Variants in CFTR observed in about 807,000 individuals in gnomAD.
CFTR encodes the protein cystic fibrosis transmembrane conductance regulator.
A neutral mutation model predicts 171.6 loss-of-function variants in CFTR; 181 were observed. That is an observed-to-expected ratio of 1.05 (90% confidence interval 0.93 to 1.19). The LOEUF (loss-of-function observed/expected upper bound fraction) is 1.19. Ranked by LOEUF, CFTR falls within the 50% of genes most tolerant of loss-of-function variation. The probability of loss-of-function intolerance (pLI) is 0.00; values close to 1 mark genes in which losing one functional copy is unlikely to be tolerated. For missense variants in CFTR, 1,968 were observed against 1,734.7 expected, an observed-to-expected ratio of 1.13 and a Z score of -2.39; for synonymous variants, 583 against 608.0, an observed-to-expected ratio of 0.96 and a Z score of 0.60.
intron 3 of CFTR, among the ~76,000 whole-genome samples, chr7:117,528,034 C>A (rs1562888407): frequency 7.5e-6 from 1 of 132,486 alleles, no homozygotes; most frequent in Non-Finnish European, 1.6e-5. Flanking sequence ...CATATGGAAC[C>A]AAAAAAGAGC....
At chr7:117,562,789 C>G (rs1418676473) in intron 11 of CFTR, among the ~76,000 whole-genome samples, 1 of 152,136 alleles carries the variant, frequency 6.6e-6, no homozygotes, top group African/African-American at 2.4e-5. Flanking sequence ...CCTGGCTAGA[C>G]AGTTCAGGAT....
At chr7:117,607,104 C>G (rs542260039) in intron 18 of CFTR, among the ~76,000 whole-genome samples, 9 of 152,036 alleles carry the variant, frequency 5.9e-5, no homozygotes, top group African/African-American at 1.4e-4. Flanking sequence ...CAACCTCCCC[C>G]CAAAAGGCCT....
At chr7:117,608,891 T>A (rs1792340963) in intron 18 of CFTR, among the ~76,000 whole-genome samples, 1 of 152,206 alleles carries the variant, frequency 6.6e-6, no homozygotes. Context: ...TATTTTTCTC[T>A]TTTTAAAATT....
intron 21 of CFTR, among the ~76,000 whole-genome samples, chr7:117,622,591 T>C (rs561975867): frequency 4.6e-5 from 7 of 152,314 alleles, no homozygotes; most frequent in African/African-American, 1.4e-4. Flanking sequence ...GAAGTCTCTT[T>C]ATAGTGTTGC....
intron 22 of CFTR, among the ~76,000 whole-genome samples, chr7:117,640,309 C>T (rs1374174933): frequency 3.3e-5 from 5 of 152,110 alleles, no homozygotes; most frequent in Non-Finnish European, 7.4e-5. Flanking sequence ...AGATATCATG[C>T]ATTACCAGCA....
chr7:117,567,942 A>T (rs572066603), intron 11 of CFTR, among the ~76,000 whole-genome samples: 1 of 152,202 alleles, frequency 6.6e-6, no homozygotes, highest in Non-Finnish European at 1.5e-5. Flanking sequence ...CCCTGGAGGA[A>T]GTGACATTTA....
chr7:117,602,744 G>A (rs373018437), intron 15 of CFTR, 82 bp from the exon 16 acceptor site: 89 of 1,066,764 alleles, frequency 8.3e-5, no homozygotes, highest in Non-Finnish European at 1.2e-4. Flanking sequence ...ATCAAATGGT[G>A]TGATGTGAAT....
rs1227994401 is a variant in CFTR at position 117,535,289 on chromosome 7, A to C, written c.621A>C (p.Gln207His). The C allele has an allele frequency of 2.5e-6, 4 of 1,613,494 alleles. 1 individual carries two copies. The Admixed American group carries it at 5.0e-5, about 20-fold the overall frequency. The change falls in exon 6 of 27, where the codon CAA (glutamine) becomes CAC (histidine). Residue 207 changes from glutamine to histidine, a missense_variant. Coordinates refer to ENST00000003084, the MANE Select transcript of CFTR (RefSeq NM_000492.4). ...LAHFVWIAPL[Q>H]VALLMGLIWE... ...ATTTCGTGTGGATCGCTCCTTTGCA[A>C]GTGGCACTCCTCATGGGGCTAATCT...
intron 11 of CFTR, among the ~76,000 whole-genome samples, chr7:117,583,509 C>G (rs1358679557): frequency 6.6e-6 from 1 of 152,128 alleles, no homozygotes; most frequent in Non-Finnish European, 1.5e-5. Flanking sequence ...TTATTTCATT[C>G]CGTTTTTTGG....
intron 11 of CFTR, among the ~76,000 whole-genome samples, chr7:117,585,715 C>T (rs905235785): frequency 1.3e-5 from 2 of 152,068 alleles, no homozygotes; most frequent in Admixed American, 6.6e-5. Flanking sequence ...GATCATAGCT[C>T]GCTATAGCCT....
At chr7:117,515,745 T>G (rs981965278) in intron 3 of CFTR, among the ~76,000 whole-genome samples, 2 of 152,216 alleles carry the variant, frequency 1.3e-5, no homozygotes, top group Admixed American at 1.3e-4. Context: ...CTTTGGGCAG[T>G]ATAGCCATGT....
intron 23 of CFTR, among the ~76,000 whole-genome samples, chr7:117,645,541 T>TC (rs1792985008): frequency 6.6e-6 from 1 of 152,198 alleles, no homozygotes; most frequent in South Asian, 2.1e-4. Context: ...TTGTTGCTAC[T>TC]CCCCCACATC....
rs1348998847 is a variant in CFTR at position 117,612,013 on chromosome 7, A to ATATATATG, written c.3367+212_3367+213insGTATATAT. 1.3e-4 allele frequency among the ~76,000 whole-genome samples: 7 copies of ATATATATG among 55,526 alleles called. No homozygotes were observed. In the South Asian group the frequency reaches 2.2e-3, roughly 17 times the overall value. The allele number at this position is 55,526 out of a possible 152,430, so 36.4% of individuals were successfully genotyped here. ...ATAATTTCCTTGAAATCGGATATAT[A>ATATATATG]TATATATATGTATATATATATATAT... On this transcript the variant is annotated intron_variant, in intron 20 of 26. Coordinates refer to ENST00000003084, the MANE Select transcript of CFTR (RefSeq NM_000492.4).
rs969777063 is a variant in CFTR at position 117,650,890 on chromosome 7, T to C, written c.3874-1952T>C. Among the ~76,000 whole-genome samples, 5 of 152,116 alleles carry C rather than the reference T, an allele frequency of 3.3e-5. 1 individual carries two copies. The highest frequency in any genetic ancestry group is 1.3e-4 in the Admixed American group (2 of 15,262). On this transcript the variant is annotated intron_variant, in intron 23 of 26. Coordinates refer to ENST00000003084, the MANE Select transcript of CFTR (RefSeq NM_000492.4). ...GCTTTAAATAGGAAGGAAAAAATGG[T>C]CCACAAAGGATTTGAGCCATTTTGC...
At chr7:117,506,527 T>G (rs1584775328) in intron 2 of CFTR, among the ~76,000 whole-genome samples, 2 of 152,328 alleles carry the variant, frequency 1.3e-5, no homozygotes, top group African/African-American at 4.8e-5. Flanking sequence ...ATTATAGGTG[T>G]GAGCCACTAT....
chr7:117,602,868 G>A lies in CFTR; in HGVS notation c.2657+5G>A, dbSNP rs80224560. The A allele has an allele frequency of 7.8e-5, 126 of 1,610,282 alleles. 1 individual carries two copies. Among genetic ancestry groups the A allele is most frequent in the Non-Finnish European group, 9.6e-5 (113 of 1,176,598 alleles). On this transcript the variant is annotated splice_donor_5th_base_variant and intron_variant, in intron 16 of 26. Coordinates refer to ENST00000003084, the MANE Select transcript of CFTR (RefSeq NM_000492.4). ...TGTGCTGTGGCTCCTTGGAAAGTGA[G>A]TATTCCATGTCCTATTGTGTAGATT...
intron 9 of CFTR, among the ~76,000 whole-genome samples, chr7:117,547,977 A>C (rs1239070789): frequency 6.6e-6 from 1 of 152,188 alleles, no homozygotes; most frequent in Non-Finnish European, 1.5e-5. Flanking sequence ...TTTGAAGACC[A>C]CTATGCTAAA....
rs1791940348 is a variant in CFTR at position 117,586,773 on chromosome 7, AC to A, written c.1585-965del. ...GGATGGGAGGAGAAAAGGGAGAGAG[AC>A]TTTTTTTTTTTTAAGGCGAGAGTTT... On this transcript the variant is annotated intron_variant, in intron 11 of 26. Coordinates refer to ENST00000003084, the MANE Select transcript of CFTR (RefSeq NM_000492.4). 2.6e-5 allele frequency among the ~76,000 whole-genome samples: 4 copies of A among 151,136 alleles called. No homozygotes were observed. In the South Asian group the frequency reaches 8.3e-4, roughly 32 times the overall value.
chr7:117,633,267 G>A (rs35775845), intron 22 of CFTR, among the ~76,000 whole-genome samples: 2,164 of 152,192 alleles, frequency 0.014, 37 homozygotes, highest in African/African-American at 0.031. Flanking sequence ...TTTGAGGAAT[G>A]CCAATGTAAA....
Sources: gnomAD v4.1 joint callset for allele counts (sites outside exome capture counted in the v4.1 genomes callset) on GRCh38, gnomAD v4.1.1 for gene constraint, MANE v1.5 for transcripts, NCBI Gene and HGNC (gene_info 2026-07-23, HGNC 2026-07-21) for gene names.